Variants in GNAQ observed in about 807,000 individuals in gnomAD.
The protein encoded by GNAQ is guanine nucleotide-binding protein G(q) subunit alpha.
Under a neutral mutation model 43.9 loss-of-function variants are expected in GNAQ, and 8 were observed. The observed-to-expected ratio is 0.18, with a 90% CI of 0.11 to 0.33. The LOEUF (loss-of-function observed/expected upper bound fraction) is 0.33, where lower values mean the gene tolerates loss of function less well. GNAQ is among the 10% of genes least tolerant of loss of function. GNAQ has a pLI of 1.00. For missense variants in GNAQ, 158 were observed against 450.8 expected (o/e 0.35, Z 5.88); for synonymous variants, 155 against 170.7 (o/e 0.91, Z 0.71).
At chr9:77,765,207 T>C (rs1204581207) in intron 5 of GNAQ, among the ~76,000 whole-genome samples, 2 of 152,122 alleles carry the variant, frequency 1.3e-5, no homozygotes, top group East Asian at 3.9e-4. Flanking sequence ...ACATTCTCCA[T>C]GCATTGAGGA....
At chr9:77,853,411 G>A (rs537927417) in intron 2 of GNAQ, among the ~76,000 whole-genome samples, 1 of 152,294 alleles carries the variant, frequency 6.6e-6, no homozygotes, top group Non-Finnish European at 1.5e-5. Flanking sequence ...AATATACCTT[G>A]TGACATATTA....
At chr9:77,732,314 T>C (rs2118230776) in intron 5 of GNAQ, among the ~76,000 whole-genome samples, 1 of 152,222 alleles carries the variant, frequency 6.6e-6, no homozygotes, top group East Asian at 1.9e-4. Context: ...GCCCTCTTTT[T>C]GGGGTTTTGA....
At position 77,742,674 on chromosome 9, in the gene GNAQ, T is replaced by C. The variant is rs932778486; in HGVS notation, c.736-14007A>G. ...TCCAGTAGCTATTAAACAAGTGCGA[T>C]GGGTGATAGATCCAACACAAAAACA... On this transcript the variant is annotated intron_variant, in intron 5 of 6. Transcript: ENST00000286548. Among the ~76,000 whole-genome samples, 8 of 151,600 alleles carry C rather than the reference T, an allele frequency of 5.3e-5. No individual in the cohort carries two copies. The South Asian group carries it at 8.3e-4, about 16-fold the overall frequency.
Position 77,825,043 on chromosome 9 carries a change from CAGA to C in GNAQ, c.322-9276_322-9274del, listed in dbSNP as rs547818534. Among the ~76,000 whole-genome samples the C allele has an allele frequency of 2.4e-3, 372 of 152,298 alleles. 1 individual carries two copies. The highest frequency in any genetic ancestry group is 3.8e-3 in the Non-Finnish European group (257 of 68,018). On this transcript the variant is annotated intron_variant, in intron 2 of 6. Transcript: ENST00000286548. ...TGAAAATAACAGCGAACTCTTGAAG[CAGA>C]AGATTTGTGTCTTTCGTATTTTGTG...
intron 2 of GNAQ, among the ~76,000 whole-genome samples, chr9:77,844,903 G>A (rs1262740057): frequency 6.6e-6 from 1 of 152,222 alleles, no homozygotes; most frequent in South Asian, 2.1e-4. Flanking sequence ...TCGAACTCCT[G>A]ACCTTGGGTG....
chr9:77,983,946 A>C (rs1823400229), intron 1 of GNAQ, among the ~76,000 whole-genome samples: 1 of 151,666 alleles, frequency 6.6e-6, no homozygotes, highest in African/African-American at 2.4e-5. Context: ...AGGGATACAG[A>C]AATAAAAGAT....
intron 2 of GNAQ, among the ~76,000 whole-genome samples, chr9:77,899,199 C>A (rs568963341): frequency 7.9e-4 from 120 of 152,220 alleles, no homozygotes; most frequent in Non-Finnish European, 1.5e-3. Context: ...CAGGTTCAAG[C>A]TATTCTCCTG....
At position 77,884,482 on chromosome 9, in the gene GNAQ, G is replaced by A. The variant is rs766437032; in HGVS notation, c.321+37679C>T. ...AGCATGAAAGAAAACAATGAACGAA[G>A]CAAGCTGCAACAAAAGTGCGACTTC... On this transcript the variant is annotated intron_variant, in intron 2 of 6. Transcript: ENST00000286548. Among the ~76,000 whole-genome samples the A allele has an allele frequency of 5.3e-5, 8 of 152,228 alleles. No individual in the cohort carries two copies. In the East Asian group the frequency reaches 5.8e-4, roughly 11 times the overall value.
At chr9:77,909,157 C>T (rs147727269) in intron 2 of GNAQ, among the ~76,000 whole-genome samples, 168 of 152,272 alleles carry the variant, frequency 1.1e-3, no homozygotes, top group Non-Finnish European at 1.8e-3. Flanking sequence ...CACTGATACA[C>T]GCCACCCACA....
At chr9:78,018,060 T>G (rs1486632804) in intron 1 of GNAQ, among the ~76,000 whole-genome samples, 2 of 152,100 alleles carry the variant, frequency 1.3e-5, no homozygotes, top group African/African-American at 2.4e-5. Flanking sequence ...AAATAACATT[T>G]CCATGAATCT....
At chr9:77,850,321 T>G (rs1294050070) in intron 2 of GNAQ, among the ~76,000 whole-genome samples, 1 of 152,104 alleles carries the variant, frequency 6.6e-6, no homozygotes, top group African/African-American at 2.4e-5. Context: ...ATCCACCACT[T>G]CCAGTTTACT....
intron 2 of GNAQ, among the ~76,000 whole-genome samples, chr9:77,853,772 A>AT (rs1827708020): frequency 1.1e-5 from 1 of 89,100 alleles, no homozygotes; most frequent in African/African-American, 4.6e-5. Flanking sequence ...TGAAATTACT[A>AT]CCAAAAAAAA....
intron 2 of GNAQ, among the ~76,000 whole-genome samples, chr9:77,876,334 G>C (rs932641060): frequency 1.3e-5 from 2 of 152,124 alleles, no homozygotes; most frequent in Admixed American, 6.5e-5. Flanking sequence ...GCCAGGCCTC[G>C]GTTAACTTTC....
At chr9:77,852,894 G>A (rs17786800) in intron 2 of GNAQ, among the ~76,000 whole-genome samples, 4,542 of 152,120 alleles carry the variant, frequency 0.03, 78 homozygotes, top group Middle Eastern at 0.048. Context: ...TTTTTCCAGC[G>A]GAGAAACAAA....
rs1282384616 is a variant in GNAQ, at chr9:77,992,462, A to G, written c.136+38638T>C. 5.3e-5 allele frequency among the ~76,000 whole-genome samples: 8 copies of G among 152,232 alleles called. No individual in the cohort carries two copies. In the East Asian group the frequency reaches 1.5e-3, roughly 29 times the overall value. On this transcript the variant is annotated intron_variant, in intron 1 of 6. Transcript: ENST00000286548. The stretch of plus-strand genomic sequence containing the variant: ...CAAAATAGTGAAATTTGTTTTTTTA[A>G]TTTTTTAAACCTTCTTGGACTTTTG...
chr9:77,913,190 TC>T (rs1828837597), intron 2 of GNAQ, among the ~76,000 whole-genome samples: 1 of 151,946 alleles, frequency 6.6e-6, no homozygotes, highest in African/African-American at 2.4e-5. Context: ...AGATACATAC[TC>T]CAAAGAAATG....
intron 1 of GNAQ, among the ~76,000 whole-genome samples, chr9:77,931,363 C>A (rs532810187): frequency 6.6e-6 from 1 of 151,912 alleles, no homozygotes; most frequent in African/African-American, 2.4e-5. Flanking sequence ...GAGGCCGAGG[C>A]GGGCAGATCA....
chr9:77,961,386 T>C (rs965099437), intron 1 of GNAQ, among the ~76,000 whole-genome samples: 2 of 152,094 alleles, frequency 1.3e-5, no homozygotes, highest in African/African-American at 2.4e-5. Context: ...CTTAGAATCC[T>C]AGAATGTGCA....
At chr9:77,873,770 G>A (rs1374437559) in intron 2 of GNAQ, among the ~76,000 whole-genome samples, 1 of 152,216 alleles carries the variant, frequency 6.6e-6, no homozygotes, top group Non-Finnish European at 1.5e-5. Context: ...AACACCTATT[G>A]CATTTGCATT....
Sources: allele counts gnomAD v4.1 joint callset (sites outside exome capture counted in the v4.1 genomes callset), GRCh38; gene constraint gnomAD v4.1.1; transcripts MANE v1.5; gene names NCBI Gene and HGNC (gene_info 2026-07-23, HGNC 2026-07-21).